CDH18: variants seen among roughly 807,000 people sequenced by gnomAD.
CDH18 encodes the protein cadherin 18.
A neutral mutation model predicts 67.9 loss-of-function variants in CDH18; 31 were observed. The observed-to-expected ratio is 0.46, with a 90% CI of 0.34 to 0.62. The LOEUF (loss-of-function observed/expected upper bound fraction) is 0.62. CDH18 is among the 20% of genes least tolerant of loss of function. The pLI, the probability that CDH18 is intolerant of heterozygous loss-of-function variation, is 0.01. For synonymous variants in CDH18, 362 were observed against 347.2 expected, an observed-to-expected ratio of 1.04 and a Z score of -0.48; for missense variants, 890 against 975.5, an observed-to-expected ratio of 0.91 and a Z score of 1.17.
chr5:19,476,303 G>T (rs951804576), intron 12 of CDH18, among the ~76,000 whole-genome samples: 4 of 152,032 alleles, frequency 2.6e-5, no homozygotes, highest in African/African-American at 9.7e-5. Flanking sequence ...TGTTTAAAAT[G>T]AAGTGGTTAC....
chr5:20,059,836 G>A (rs1267786575), intron 2 of CDH18, among the ~76,000 whole-genome samples: 1 of 152,116 alleles, frequency 6.6e-6, no homozygotes, highest in East Asian at 1.9e-4. Flanking sequence ...GGACATGGAT[G>A]TAGCTGGAAA....
intron 6 of CDH18, among the ~76,000 whole-genome samples, chr5:19,596,197 T>C (rs912926457): frequency 1.3e-5 from 2 of 152,166 alleles, no homozygotes; most frequent in East Asian, 1.9e-4. Flanking sequence ...CTTTTGTCAA[T>C]GGTCGTGTTT....
chr5:19,982,438 A>G (rs1028766860), intron 1 of CDH18, among the ~76,000 whole-genome samples: 2 of 152,112 alleles, frequency 1.3e-5, no homozygotes, highest in South Asian at 4.1e-4. Context: ...AAATTATAGC[A>G]TACATAAAAT....
intron 1 of CDH18, among the ~76,000 whole-genome samples, chr5:20,573,806 AATATATATATATATAT>A (rs60858438): frequency 0.037 from 4,394 of 119,090 alleles, 270 homozygotes; most frequent in East Asian, 0.18. Flanking sequence ...ACTTAAAAGA[AATATATATATATATAT>A]ATATATATAT....
chr5:19,968,211 A>G (rs1300931638), intron 2 of CDH18, among the ~76,000 whole-genome samples: 1 of 152,166 alleles, frequency 6.6e-6, no homozygotes, highest in Non-Finnish European at 1.5e-5. Flanking sequence ...CAAATGGAAA[A>G]ACATTCCATG....
intron 1 of CDH18, among the ~76,000 whole-genome samples, chr5:20,275,235 G>C (rs1745719561): frequency 6.6e-6 from 1 of 152,016 alleles, no homozygotes. Context: ...TGGATCATGA[G>C]GGTGGATCTC....
At chr5:19,835,897 C>T (rs1011238447) in intron 3 of CDH18, among the ~76,000 whole-genome samples, 1 of 152,106 alleles carries the variant, frequency 6.6e-6, no homozygotes, top group Non-Finnish European at 1.5e-5. Flanking sequence ...CGCCACAAAC[C>T]TGAACAGCAT....
intron 1 of CDH18, among the ~76,000 whole-genome samples, chr5:20,484,600 TAACA>T (rs1753044693): frequency 1.3e-5 from 2 of 152,018 alleles, no homozygotes; most frequent in Admixed American, 1.3e-4. Context: ...TATTTGGCCA[TAACA>T]AAGAATGATG....
At position 19,880,022 on chromosome 5, in the gene CDH18, A is replaced by C. The variant is rs116061956; in HGVS notation, c.-256-40780T>G. On this transcript the variant is annotated intron_variant, in intron 2 of 12. Transcript: ENST00000382275. Reference sequence around the variant, plus strand: ...ATGTATTTCTATTTAGGGGCATTAAATATACCATGCAAACATACATTTGAC... The same window carrying C: ...ATGTATTTCTATTTAGGGGCATTAACTATACCATGCAAACATACATTTGAC... Among the ~76,000 whole-genome samples, 506 of 152,178 alleles carry C rather than the reference A, an allele frequency of 3.3e-3. 2 individuals carry two copies. The highest frequency in any genetic ancestry group is 0.012 in the African/African-American group (482 of 41,566).
At position 20,551,579 on chromosome 5, in the gene CDH18, T is replaced by C. The variant is rs375223794; in HGVS notation, c.-580+23883A>G. On this transcript the variant is annotated intron_variant, in intron 1 of 14. Transcript: ENST00000507958. ...TCTACAGCTGATCTCTGTTAATCAA[T>C]TGGAGTTGAGTAACAACTCAACTCT... is the stretch of plus-strand genomic sequence containing the variant. Among the ~76,000 whole-genome samples the C allele has an allele frequency of 2.2e-3, 328 of 152,292 alleles. 3 individuals carry two copies. The highest frequency in any genetic ancestry group is 7.6e-3 in the African/African-American group (316 of 41,578).
chr5:20,575,326 T>C (rs755974705), intron 1 of CDH18: 40 of 152,172 alleles, frequency 2.6e-4, no homozygotes, highest in Non-Finnish European at 3.7e-4. Context: ...TCCATATTTC[T>C]AAATCAACAT....
chr5:20,065,974 T>C (rs952335439), intron 2 of CDH18, among the ~76,000 whole-genome samples: 14 of 152,156 alleles, frequency 9.2e-5, no homozygotes, highest in Admixed American at 6.6e-4. Flanking sequence ...AAGGCAACTT[T>C]AAGATGGGAC....
At chr5:19,703,310 G>A (rs1338304481) in intron 5 of CDH18, among the ~76,000 whole-genome samples, 1 of 152,120 alleles carries the variant, frequency 6.6e-6, no homozygotes, top group Non-Finnish European at 1.5e-5. Context: ...CCTGTGGTGA[G>A]TAAGAAGGGG....
At chr5:19,791,491 G>T (rs1355726348) in intron 3 of CDH18, among the ~76,000 whole-genome samples, 1 of 151,940 alleles carries the variant, frequency 6.6e-6, no homozygotes, top group East Asian at 1.9e-4. Flanking sequence ...ATATATAATT[G>T]TATTATGTAA....
chr5:19,960,101 A>G (rs1036120399), intron 2 of CDH18, among the ~76,000 whole-genome samples: 4 of 152,034 alleles, frequency 2.6e-5, no homozygotes, highest in Non-Finnish European at 5.9e-5. Flanking sequence ...AGTCTTTATA[A>G]ACACTGTATA....
chr5:19,482,495 G>A (rs1317798758), intron 12 of CDH18, among the ~76,000 whole-genome samples: 1 of 152,154 alleles, frequency 6.6e-6, no homozygotes, highest in East Asian at 1.9e-4. Context: ...TATTTAGTCA[G>A]TATGTTAATA....
chr5:20,346,816 A>G (rs1410390147), intron 1 of CDH18, among the ~76,000 whole-genome samples: 1 of 152,212 alleles, frequency 6.6e-6, no homozygotes, highest in Non-Finnish European at 1.5e-5. Flanking sequence ...ATGCATAAAC[A>G]ATTCAAAATG....
intron 9 of CDH18, among the ~76,000 whole-genome samples, chr5:19,521,039 A>G (rs941448247): frequency 6.6e-6 from 1 of 152,188 alleles, no homozygotes; most frequent in African/African-American, 2.4e-5. Flanking sequence ...CAGGAACTTG[A>G]GTGGGAGAAA....
intron 1 of CDH18, among the ~76,000 whole-genome samples, chr5:20,518,904 T>C (rs984722030): frequency 1.3e-5 from 2 of 152,142 alleles, no homozygotes; most frequent in African/African-American, 2.4e-5. Context: ...TTACAAGATG[T>C]ACCAAGTGAA....
Sources: gnomAD v4.1 joint callset for allele counts (sites outside exome capture counted in the v4.1 genomes callset) on GRCh38, gnomAD v4.1.1 for gene constraint, MANE v1.5 for transcripts, NCBI Gene and HGNC (gene_info 2026-07-23, HGNC 2026-07-21) for gene names.